The following DLG3 variants were observed in gnomAD, a reference collection of about 807,000 sequenced individuals.
DLG3 encodes the protein discs large MAGUK scaffold protein 3, also known as disks large homolog 3.
In DLG3, 1 loss-of-function variant was observed where a neutral mutation model predicts 64.1. The ratio of observed to expected loss-of-function variants is 0.02; its 90% CI spans 0.01 to 0.07. The LOEUF (loss-of-function observed/expected upper bound fraction) is 0.07. Among genes scored for constraint, DLG3 ranks in the 10% least tolerant of loss-of-function variants. The pLI is 1.00. For synonymous variants in DLG3, 245 were observed against 259.8 expected (o/e 0.94, Z 0.55); for missense variants, 429 against 669.5 (o/e 0.64, Z 3.96).
Position 70,492,578 on chromosome X carries a change from G to A in DLG3, c.1755G>A (p.Gly585=). 8.3e-7 allele frequency: 1 copy of A among 1,211,048 alleles called. No homozygotes were observed. The highest frequency in any genetic ancestry group is 1.1e-6 in the Non-Finnish European group (1 of 894,797). Residue 585 remains glycine (G), a synonymous_variant, in exon 12 of 19, where the codon GGG becomes GGA. Coordinates refer to ENST00000374360, the MANE Select transcript of DLG3 (RefSeq NM_021120.4). ...CTGTGAAGTTCCATGCCAGGACGGGGATGATTGAGTCTAACAGGGTAAGTG... is the reference window on the plus strand; with the variant it reads ...CTGTGAAGTTCCATGCCAGGACGGGAATGATTGAGTCTAACAGGGTAAGTG... ...LKTVKFHART[G]MIESNRDFPG... is the part of the protein sequence containing the mutation.
At position 70,450,799 on chromosome X, in the gene DLG3, C is replaced by T. The variant is rs752078246; in HGVS notation, c.985+16C>T. 3.6e-5 allele frequency: 43 copies of T among 1,209,772 alleles called. No individual in the cohort carries two copies. In the South Asian group the frequency reaches 7.0e-4, roughly 20 times the overall value. On this transcript the variant is annotated intron_variant, in intron 6 of 18. Coordinates refer to ENST00000374360, the MANE Select transcript of DLG3 (RefSeq NM_021120.4). ...TACGCCAGCAGTACGTACTCATCAGCCCCTGTCCCTGGTCTAAAGCTCTGT... is the reference window on the plus strand; with the variant it reads ...TACGCCAGCAGTACGTACTCATCAGTCCCTGTCCCTGGTCTAAAGCTCTGT...
chrX:70,447,116 C>G (rs1299857719), intron 1 of DLG3, among the ~76,000 whole-genome samples: 2 of 110,904 alleles, frequency 1.8e-5, no homozygotes, highest in Non-Finnish European at 3.8e-5. Flanking sequence ...AGGTGGCAAT[C>G]CCAGGCTGGG....
chrX:70,448,547 C>G, intron 1 of DLG3: 1 of 1,148,538 alleles, frequency 8.7e-7, no homozygotes. Flanking sequence ...GCATGGTTTG[C>G]CTGCCATGCT....
chrX:70,499,013 G>A (rs766822381), intron 14 of DLG3, among the ~76,000 whole-genome samples, 163 bp from the exon 15 acceptor site: 1 of 111,771 alleles, frequency 8.9e-6, no homozygotes, highest in Non-Finnish European at 1.9e-5. Flanking sequence ...TCAAATTAAA[G>A]GCTCTTTGAT....
chrX:70,502,406 A>C lies in DLG3; in HGVS notation c.*137A>C. On this transcript the variant is annotated 3_prime_UTR_variant, in exon 19 of 19. Coordinates refer to ENST00000374360, the MANE Select transcript of DLG3 (RefSeq NM_021120.4). ...TTTTTTAGATATGTCAAAAAAAATT[A>C]AGTTTTCTAGTCCTGTTCTTTTTTT... 1 of 494,425 alleles carries C rather than the reference A, an allele frequency of 2.0e-6. No homozygotes were observed. The highest frequency in any genetic ancestry group is 3.4e-6 in the Non-Finnish European group (1 of 291,848). The allele number at this position is 494,425 out of a possible 1,213,427, so 40.7% of individuals were successfully genotyped here.
At chrX:70,478,337 G>A (rs1364042889) in intron 9 of DLG3, among the ~76,000 whole-genome samples, 1 of 111,893 alleles carries the variant, frequency 8.9e-6, no homozygotes, top group Non-Finnish European at 1.9e-5. Context: ...GCATAAACCT[G>A]TATTACATTT....
At chrX:70,500,868 T>C in intron 17 of DLG3, 30 bp from the exon 18 acceptor site, 5 of 1,125,180 alleles carry the variant, frequency 4.4e-6, no homozygotes, top group Non-Finnish European at 6.0e-6. Context: ...AAGATCTGGT[T>C]CAGAACTATT....
At chrX:70,495,253 C>T (rs1205411262) in intron 12 of DLG3, among the ~76,000 whole-genome samples, 155 bp from the exon 13 acceptor site, 1 of 111,312 alleles carries the variant, frequency 9.0e-6, no homozygotes, top group Admixed American at 9.5e-5. Flanking sequence ...CACTAGTGCT[C>T]ACCTACCTCT....
intron 10 of DLG3, among the ~76,000 whole-genome samples, chrX:70,486,557 TGTGCACAC>T (rs2087257076): frequency 8.9e-6 from 1 of 112,183 alleles, no homozygotes; most frequent in African/African-American, 3.2e-5. Flanking sequence ...CATGTGCGCA[TGTGCACAC>T]ACACAAGCAC....
intron 18 of DLG3, among the ~76,000 whole-genome samples, chrX:70,501,811 T>C (rs1471320237): frequency 8.9e-6 from 1 of 112,120 alleles, no homozygotes; most frequent in Non-Finnish European, 1.9e-5. Flanking sequence ...GCTGGCCTTA[T>C]GGCACCCAAG....
chrX:70,448,528 C>T, intron 1 of DLG3: 1 of 1,077,057 alleles, frequency 9.3e-7, no homozygotes, highest in Non-Finnish European at 1.3e-6. Context: ...CCTATGGACA[C>T]TGGGTGTGGC....
chrX:70,480,001 C>A (rs1263709788), intron 10 of DLG3, among the ~76,000 whole-genome samples: 2 of 111,987 alleles, frequency 1.8e-5, no homozygotes, highest in African/African-American at 3.2e-5. Flanking sequence ...ATACTGTGGA[C>A]TCCTCATAGA....
chrX:70,454,950 C>T, intron 9 of DLG3: 1 of 589,167 alleles, frequency 1.7e-6, no homozygotes, highest in Non-Finnish European at 2.0e-6. Flanking sequence ...TGGGGCCAAC[C>T]GAGGCCCAGG....
intron 10 of DLG3, among the ~76,000 whole-genome samples, chrX:70,486,669 T>TTTTC (rs35640309): frequency 2.9e-5 from 3 of 102,052 alleles, no homozygotes; most frequent in Non-Finnish European, 5.9e-5. Flanking sequence ...TTTTTTTTTT[T>TTTTC]CATGCTCACT....
At chrX:70,490,165 C>G (rs1192385571) in intron 10 of DLG3, among the ~76,000 whole-genome samples, 1 of 112,223 alleles carries the variant, frequency 8.9e-6, no homozygotes, top group Non-Finnish European at 1.9e-5. Context: ...GCCCGGCCTC[C>G]TAAATTCATT....
intron 6 of DLG3, 136 bp from the exon 7 acceptor site, chrX:70,451,731 G>A: frequency 1.4e-6 from 1 of 734,714 alleles, no homozygotes; most frequent in Non-Finnish European, 2.1e-6. Flanking sequence ...GATGGAGTGG[G>A]GAGGTGCGGC....
At chrX:70,494,279 C>A (rs1380783165) in intron 12 of DLG3, among the ~76,000 whole-genome samples, 1 of 112,391 alleles carries the variant, frequency 8.9e-6, no homozygotes, top group East Asian at 2.8e-4. Flanking sequence ...CCTTAAACAC[C>A]AGGTCTGGCT....
At chrX:70,478,076 G>A (rs1274575704) in intron 9 of DLG3, among the ~76,000 whole-genome samples, 1 of 112,086 alleles carries the variant, frequency 8.9e-6, no homozygotes, top group Non-Finnish European at 1.9e-5. Context: ...ATTTTGACTC[G>A]CTTCAAAGTC....
intron 8 of DLG3, 59 bp downstream of exon 8, chrX:70,453,852 G>A: frequency 3.9e-6 from 4 of 1,032,514 alleles, no homozygotes; most frequent in Non-Finnish European, 5.2e-6. Flanking sequence ...AATGGAGAGC[G>A]AGAGACCTTA....
Sources: allele counts gnomAD v4.1 joint callset (sites outside exome capture counted in the v4.1 genomes callset), GRCh38; gene constraint gnomAD v4.1.1; transcripts MANE v1.5; gene names NCBI Gene and HGNC (gene_info 2026-07-23, HGNC 2026-07-21).